Variants in COL21A1 observed in about 807,000 individuals in gnomAD.
COL21A1 encodes the protein collagen alpha-1(XXI) chain.
COL21A1 carries 149 observed loss-of-function variants against 137.9 expected under a neutral mutation model. The ratio of observed to expected loss-of-function variants is 1.08; its 90% CI spans 0.95 to 1.24. The LOEUF is 1.24. Ranked by LOEUF, COL21A1 falls within the 50% of genes most tolerant of loss-of-function variation. The pLI is 0.00. For synonymous variants in COL21A1, 456 were observed against 391.5 expected (o/e 1.16, Z -1.95); for missense variants, 1,167 against 1,158.4 (o/e 1.01, Z -0.11).
In COL21A1 at chr6:56,061,149, A is replaced by C. The variant is rs368937304; in HGVS notation, c.2206-112T>G. 31 of 850,524 alleles carry C rather than the reference A, an allele frequency of 3.6e-5. 1 individual carries two copies. The East Asian group carries it at 8.3e-4, about 23-fold the overall frequency. 52.7% of individuals were successfully genotyped at this position (850,524 alleles called of 1,614,324 possible). On this transcript the variant is annotated intron_variant, in intron 25 of 29. Transcript: ENST00000244728. The stretch of plus-strand genomic sequence containing the variant: ...TGCATGTATACATATGTAAATATGT[A>C]AGGTATGTAAGGAATAGCCGGAAAT...
At chr6:56,307,798 C>T (rs915271142) in intron 1 of COL21A1, among the ~76,000 whole-genome samples, 1 of 152,144 alleles carries the variant, frequency 6.6e-6, no homozygotes, top group Non-Finnish European at 1.5e-5. Flanking sequence ...CAGAAATCAC[C>T]CGTCTTCTGC....
rs1463321622 is a variant in COL21A1 at position 56,360,087 on chromosome 6, T to A, written c.-39+33884A>T. ...TGATTCTTTTTCACAGGATTTTAAA[T>A]CATTCTCCTGGAATTGGAAGTCCTT... On this transcript the variant is annotated intron_variant, in intron 1 of 28. Transcript: ENST00000370819. Among the ~76,000 whole-genome samples the A allele has an allele frequency of 2.0e-5, 3 of 152,190 alleles. No homozygotes were observed. The East Asian group carries it at 5.8e-4, about 29-fold the overall frequency.
intron 16 of COL21A1, among the ~76,000 whole-genome samples, chr6:56,102,058 A>G (rs1770508868): frequency 6.6e-6 from 1 of 152,130 alleles, no homozygotes; most frequent in South Asian, 2.1e-4. Context: ...TAGCTGTTAA[A>G]TTATAATTGC....
chr6:56,173,833 GACC>G (rs1293890301), intron 3 of COL21A1, among the ~76,000 whole-genome samples: 23 of 152,096 alleles, frequency 1.5e-4, no homozygotes, highest in African/African-American at 5.6e-4. Flanking sequence ...CAATACTATA[GACC>G]AAATGAACCT....
At chr6:56,271,841 T>C (rs1292062064) in intron 1 of COL21A1, among the ~76,000 whole-genome samples, 4 of 152,212 alleles carry the variant, frequency 2.6e-5, no homozygotes, top group Non-Finnish European at 5.9e-5. Flanking sequence ...CTTCAGAGGG[T>C]GCAAGCCCCA....
chr6:56,214,294 T>A (rs890140052), intron 1 of COL21A1, among the ~76,000 whole-genome samples: 2 of 152,058 alleles, frequency 1.3e-5, no homozygotes, highest in African/African-American at 4.8e-5. Flanking sequence ...TAAAAATAAA[T>A]CTGGCAACTT....
chr6:56,373,659 G>A (rs2093994112), intron 1 of COL21A1, among the ~76,000 whole-genome samples: 1 of 152,076 alleles, frequency 6.6e-6, no homozygotes, highest in Non-Finnish European at 1.5e-5. Context: ...TATTTATCTT[G>A]TATAACATGT....
At chr6:56,296,521 T>G (rs1764167411) in intron 1 of COL21A1, among the ~76,000 whole-genome samples, 1 of 151,976 alleles carries the variant, frequency 6.6e-6, no homozygotes, top group Non-Finnish European at 1.5e-5. Flanking sequence ...CATTTTCTCT[T>G]GATACACAGA....
intron 10 of COL21A1, among the ~76,000 whole-genome samples, chr6:56,154,352 A>T (rs1775573602): frequency 1.3e-5 from 2 of 152,174 alleles, no homozygotes; most frequent in Non-Finnish European, 2.9e-5. Context: ...GCATTCTGTT[A>T]TGCAACAGAA....
At chr6:56,267,079 T>A (rs1030845897) in intron 1 of COL21A1, among the ~76,000 whole-genome samples, 3 of 152,232 alleles carry the variant, frequency 2.0e-5, no homozygotes, top group African/African-American at 7.2e-5. Flanking sequence ...ATTCTCTATA[T>A]GGCAGACATT....
chr6:56,335,148 A>C (rs935934691), intron 1 of COL21A1, among the ~76,000 whole-genome samples: 1 of 152,154 alleles, frequency 6.6e-6, no homozygotes, highest in African/African-American at 2.4e-5. Flanking sequence ...ATGAGCTGTC[A>C]TAAGGGCTAT....
chr6:56,348,332 G>A (rs1765639157), intron 1 of COL21A1, among the ~76,000 whole-genome samples: 1 of 151,986 alleles, frequency 6.6e-6, no homozygotes, highest in African/African-American at 2.4e-5. Context: ...GGATATGTGG[G>A]GACCAACTCA....
chr6:56,222,974 G>C (rs1056359709), intron 1 of COL21A1, among the ~76,000 whole-genome samples: 2 of 150,932 alleles, frequency 1.3e-5, no homozygotes, highest in Admixed American at 1.3e-4. Context: ...GACTCAATCA[G>C]TATTTTTTTT....
At chr6:56,110,915 T>C (rs1425003444) in intron 16 of COL21A1, among the ~76,000 whole-genome samples, 1 of 152,244 alleles carries the variant, frequency 6.6e-6, no homozygotes, top group East Asian at 1.9e-4. Context: ...TTTAGAGACA[T>C]GAAGATGCTC....
At chr6:56,384,823 CTT>C (rs2094014841) in intron 1 of COL21A1, among the ~76,000 whole-genome samples, 1 of 152,150 alleles carries the variant, frequency 6.6e-6, no homozygotes, top group Admixed American at 6.5e-5. Flanking sequence ...ATTCAACAAA[CTT>C]TTATAAGCAC....
At chr6:56,224,798 T>C (rs1582682364) in intron 1 of COL21A1, among the ~76,000 whole-genome samples, 1 of 152,012 alleles carries the variant, frequency 6.6e-6, no homozygotes, top group East Asian at 1.9e-4. Context: ...TTTGGACAAA[T>C]ATGCTGAAAT....
chr6:56,345,947 T>C (rs1346743804), intron 1 of COL21A1, among the ~76,000 whole-genome samples: 1 of 152,250 alleles, frequency 6.6e-6, no homozygotes, highest in Non-Finnish European at 1.5e-5. Context: ...TATATTTCTA[T>C]CTGTCACCAT....
chr6:56,262,039 T>C (rs1763292622), intron 1 of COL21A1, among the ~76,000 whole-genome samples: 1 of 152,220 alleles, frequency 6.6e-6, no homozygotes, highest in South Asian at 2.1e-4. Flanking sequence ...GCAAAACTCA[T>C]ATATAAATAA....
At chr6:56,379,614 C>G (rs1363299526) in intron 1 of COL21A1, among the ~76,000 whole-genome samples, 1 of 152,110 alleles carries the variant, frequency 6.6e-6, no homozygotes, top group African/African-American at 2.4e-5. Context: ...AACATATGTA[C>G]ATAAACATCA....
Sources: gnomAD v4.1 joint callset for allele counts (sites outside exome capture counted in the v4.1 genomes callset) on GRCh38, gnomAD v4.1.1 for gene constraint, MANE v1.5 for transcripts, NCBI Gene and HGNC (gene_info 2026-07-23, HGNC 2026-07-21) for gene names.